NLGN1: variants seen among roughly 807,000 people sequenced by gnomAD.
The protein encoded by NLGN1 is neuroligin-1.
A neutral mutation model predicts 65.5 loss-of-function variants in NLGN1; 12 were observed. The observed-to-expected ratio is 0.18, with a 90% CI of 0.12 to 0.30. The LOEUF (loss-of-function observed/expected upper bound fraction) is 0.30. Among genes scored for constraint, NLGN1 ranks in the 10% least tolerant of loss-of-function variants. NLGN1 has a pLI of 1.00. For missense variants in NLGN1, 750 were observed against 1,007.1 expected, an observed-to-expected ratio of 0.74 and a Z score of 3.46; for synonymous variants, 350 against 359.5, an observed-to-expected ratio of 0.97 and a Z score of 0.30.
chr3:173,884,053 T>C (rs1469472178), intron 4 of NLGN1, among the ~76,000 whole-genome samples: 1 of 143,268 alleles, frequency 7.0e-6, no homozygotes, highest in Non-Finnish European at 1.5e-5. Context: ...TCTTACTGAC[T>C]TTTTTTTTTT....
intron 4 of NLGN1, among the ~76,000 whole-genome samples, chr3:173,947,145 T>A (rs1747333324): frequency 6.9e-6 from 1 of 144,406 alleles, no homozygotes; most frequent in Non-Finnish European, 1.5e-5. Flanking sequence ...CACCGCAACC[T>A]CTGCCTCCCG....
At chr3:174,023,411 T>C (rs927225294) in intron 4 of NLGN1, among the ~76,000 whole-genome samples, 1 of 152,110 alleles carries the variant, frequency 6.6e-6, no homozygotes, top group Non-Finnish European at 1.5e-5. Flanking sequence ...AGGAACTCCC[T>C]TTTTTCAGGC....
intron 4 of NLGN1, among the ~76,000 whole-genome samples, chr3:174,188,746 A>G (rs543068870): frequency 6.6e-6 from 1 of 151,964 alleles, no homozygotes. Flanking sequence ...TCAAAATAAC[A>G]CTAGAAGAAT....
rs982789561 is a variant in NLGN1 at position 173,690,381 on chromosome 3, C to T, written c.493+85290C>T. 3.3e-5 allele frequency among the ~76,000 whole-genome samples: 5 copies of T among 152,100 alleles called. No individual in the cohort carries two copies. In the East Asian group the frequency reaches 5.8e-4, roughly 18 times the overall value. On this transcript the variant is annotated intron_variant, in intron 3 of 6. Coordinates refer to ENST00000457714, the Ensembl canonical transcript of NLGN1. ...TATAATTTTTATTCCTGCCTAGACA[C>T]CTCCTTATTTATGATTCCAACTATA...
At chr3:173,938,473 A>G (rs1385891165) in intron 4 of NLGN1, among the ~76,000 whole-genome samples, 7 of 152,178 alleles carry the variant, frequency 4.6e-5, no homozygotes, top group Non-Finnish European at 1.0e-4. Flanking sequence ...AACATGCATA[A>G]TGACCAATAA....
At chr3:173,413,482 C>T (rs1047272485) in intron 1 of NLGN1, among the ~76,000 whole-genome samples, 3 of 152,008 alleles carry the variant, frequency 2.0e-5, no homozygotes, top group Admixed American at 6.6e-5. Flanking sequence ...CACCTGTAGT[C>T]CCAGCTACTT....
At chr3:173,971,382 C>A (rs550401379) in intron 4 of NLGN1, among the ~76,000 whole-genome samples, 2 of 151,620 alleles carry the variant, frequency 1.3e-5, no homozygotes, top group Admixed American at 1.3e-4. Context: ...GTGATTGAGA[C>A]AAAAAGAAAT....
chr3:173,806,399 T>C (rs933068463), intron 3 of NLGN1, among the ~76,000 whole-genome samples: 15 of 152,226 alleles, frequency 9.9e-5, no homozygotes, highest in African/African-American at 3.6e-4. Flanking sequence ...GCACCTCGAT[T>C]ATAAGGATGT....
chr3:174,042,980 G>A (rs1361826245), intron 4 of NLGN1, among the ~76,000 whole-genome samples: 1 of 152,120 alleles, frequency 6.6e-6, no homozygotes, highest in East Asian at 1.9e-4. Flanking sequence ...GCATAGCTGG[G>A]GAGGCCTCAG....
intron 3 of NLGN1, among the ~76,000 whole-genome samples, chr3:173,788,370 A>G (rs1711773197): frequency 6.6e-6 from 1 of 151,890 alleles, no homozygotes; most frequent in East Asian, 1.9e-4. Context: ...ATATCAATTG[A>G]TTTTCTACTG....
intron 2 of NLGN1, among the ~76,000 whole-genome samples, chr3:173,589,153 A>T (rs1748007350): frequency 6.6e-6 from 1 of 152,326 alleles, no homozygotes; most frequent in South Asian, 2.1e-4. Flanking sequence ...ACAAACTTTG[A>T]TTTGACTTAT....
At chr3:173,495,206 C>A (rs1489984220) in intron 2 of NLGN1, among the ~76,000 whole-genome samples, 2 of 151,582 alleles carry the variant, frequency 1.3e-5, no homozygotes, top group East Asian at 3.8e-4. Context: ...GTCTTACATA[C>A]CTTTGACTAA....
intron 1 of NLGN1, among the ~76,000 whole-genome samples, chr3:173,404,922 C>G (rs368226602): frequency 1.6e-4 from 24 of 152,002 alleles, no homozygotes; most frequent in Non-Finnish European, 3.4e-4. Context: ...ATTCCACAAT[C>G]GTTCTCTACT....
intron 2 of NLGN1, among the ~76,000 whole-genome samples, chr3:173,473,497 A>G (rs1318901294): frequency 6.6e-6 from 1 of 152,146 alleles, no homozygotes; most frequent in African/African-American, 2.4e-5. Flanking sequence ...TCAAATATGG[A>G]CCTTGAAGTT....
chr3:173,665,010 C>A (rs768897193), intron 3 of NLGN1, among the ~76,000 whole-genome samples: 3 of 152,100 alleles, frequency 2.0e-5, no homozygotes, highest in African/African-American at 7.2e-5. Flanking sequence ...TATGGTTGGT[C>A]CTTATAAATA....
At chr3:174,009,140 G>T (rs1325706075) in intron 4 of NLGN1, among the ~76,000 whole-genome samples, 1 of 152,144 alleles carries the variant, frequency 6.6e-6, no homozygotes, top group African/African-American at 2.4e-5. Context: ...TCACCACTGT[G>T]TCCTCACATG....
chr3:174,012,222 A>T (rs1322953165), intron 4 of NLGN1, among the ~76,000 whole-genome samples: 1 of 152,026 alleles, frequency 6.6e-6, no homozygotes, highest in African/African-American at 2.4e-5. Flanking sequence ...TCCCATACTT[A>T]CACCCCAGTC....
At chr3:173,899,964 A>C (rs1310254887) in intron 4 of NLGN1, among the ~76,000 whole-genome samples, 2 of 152,130 alleles carry the variant, frequency 1.3e-5, no homozygotes, top group Non-Finnish European at 2.9e-5. Flanking sequence ...TATGCAATCA[A>C]CTGAGTTCAT....
intron 3 of NLGN1, among the ~76,000 whole-genome samples, chr3:173,674,827 A>G (rs1466148560): frequency 1.3e-5 from 2 of 152,106 alleles, no homozygotes; most frequent in Non-Finnish European, 2.9e-5. Flanking sequence ...ATAGGTTTAT[A>G]AACTTGGAGA....
Sources: gnomAD v4.1 joint callset for allele counts (sites outside exome capture counted in the v4.1 genomes callset) on GRCh38, gnomAD v4.1.1 for gene constraint, MANE v1.5 for transcripts, NCBI Gene and HGNC (gene_info 2026-07-23, HGNC 2026-07-21) for gene names.